Variants in PPP1R12B observed in about 807,000 individuals in gnomAD.
The protein encoded by PPP1R12B is myosin phosphatase target subunit 2.
In PPP1R12B, 76 loss-of-function variants were observed where a neutral mutation model predicts 126.1. That is an observed-to-expected ratio of 0.60 (90% CI 0.50 to 0.73). The LOEUF is 0.73. Ranked by LOEUF, PPP1R12B falls within the 30% of genes least tolerant of loss-of-function variation. PPP1R12B has a pLI of 0.00. For missense variants in PPP1R12B, 1,052 were observed against 1,205.1 expected (o/e 0.87, Z 1.88); for synonymous variants, 356 against 434.7 (o/e 0.82, Z 2.25).
intron 13 of PPP1R12B, among the ~76,000 whole-genome samples, chr1:202,470,647 A>G (rs1386026063): frequency 1.3e-5 from 2 of 152,132 alleles, no homozygotes. Flanking sequence ...TAATACTAGC[A>G]CTTTGGGAGG....
intron 23 of PPP1R12B, among the ~76,000 whole-genome samples, chr1:202,578,673 G>A (rs1377659044): frequency 6.6e-6 from 1 of 152,188 alleles, no homozygotes; most frequent in Non-Finnish European, 1.5e-5. Context: ...GTGATTGTAG[G>A]AACACTCAGT....
chr1:202,451,868 A>T (rs1301690882), intron 13 of PPP1R12B, among the ~76,000 whole-genome samples: 9 of 149,698 alleles, frequency 6.0e-5, no homozygotes, highest in Non-Finnish European at 1.0e-4. Flanking sequence ...TCCCTTCCGG[A>T]CGGGGTGGCT....
rs947004064 is a variant in PPP1R12B, at chr1:202,591,066, AG to A, written c.*10509del. The A allele has an allele frequency of 6.6e-6, 1 of 152,150 alleles. No individual in the cohort carries two copies. The highest frequency in any genetic ancestry group is 6.5e-5 in the Admixed American group (1 of 15,278). 9.4% of individuals were successfully genotyped at this position (152,150 alleles called of 1,614,324 possible). ...CTCTGCTGTGGGTGTGGAGAGTGGG[AG>A]GGCCCCAGAGAGAGCTGGAGGAAGC... On this transcript the variant is annotated 3_prime_UTR_variant, in exon 24 of 24. Transcript: ENST00000608999.
intron 18 of PPP1R12B, among the ~76,000 whole-genome samples, chr1:202,513,549 C>A (rs1019116776): frequency 2.6e-5 from 4 of 152,094 alleles, no homozygotes; most frequent in African/African-American, 9.7e-5. Context: ...TAGGGAAGTT[C>A]CAGGGCTAGA....
In PPP1R12B at chr1:202,591,918, C is replaced by A. The variant is rs1690131845; in HGVS notation, c.*11358C>A. The stretch of plus-strand genomic sequence containing the variant: ...GATGGAGCTGAACTGTGAACCCAGG[C>A]CGAGAAAGCCAGCTCGGGCAGGGCC... On this transcript the variant is annotated 3_prime_UTR_variant, in exon 24 of 24. Coordinates refer to ENST00000608999, the MANE Select transcript of PPP1R12B (RefSeq NM_002481.4). 1 of 152,858 alleles carries A rather than the reference C, an allele frequency of 6.5e-6. No homozygotes were observed. Among genetic ancestry groups the A allele is most frequent in the African/African-American group, 2.4e-5 (1 of 41,466 alleles). The allele number at this position is 152,858 out of a possible 1,614,324, so 9.5% of individuals were successfully genotyped here.
intron 13 of PPP1R12B, among the ~76,000 whole-genome samples, chr1:202,467,271 C>T (rs564158119): frequency 5.1e-4 from 76 of 150,412 alleles, no homozygotes; most frequent in Non-Finnish European, 8.8e-4. Flanking sequence ...ATGTGCAGAA[C>T]GTACAGGTTA....
intron 18 of PPP1R12B, among the ~76,000 whole-genome samples, chr1:202,535,573 T>C (rs564906758): frequency 1.9e-4 from 29 of 152,328 alleles, no homozygotes; most frequent in Non-Finnish European, 2.9e-4. Flanking sequence ...GGAAACTCTG[T>C]TGAGCCGACT....
At chr1:202,499,099 C>G (rs940146309) in intron 18 of PPP1R12B, among the ~76,000 whole-genome samples, 1 of 151,974 alleles carries the variant, frequency 6.6e-6, no homozygotes, top group African/African-American at 2.4e-5. Flanking sequence ...ATAACCACTA[C>G]CCAAATCAAG....
intron 1 of PPP1R12B, among the ~76,000 whole-genome samples, chr1:202,377,555 C>G (rs1465331022): frequency 1.3e-4 from 19 of 151,914 alleles, no homozygotes; most frequent in Non-Finnish European, 2.8e-4. Context: ...CCGCCCGCCT[C>G]GGCCTCCCAA....
At chr1:202,555,997 T>A (rs1686890006) in intron 18 of PPP1R12B, among the ~76,000 whole-genome samples, 1 of 152,038 alleles carries the variant, frequency 6.6e-6, no homozygotes, top group African/African-American at 2.4e-5. Flanking sequence ...TGCCTAAGCT[T>A]CCCAAGTAGC....
intron 1 of PPP1R12B, among the ~76,000 whole-genome samples, chr1:202,416,211 C>T (rs1305306494): frequency 6.6e-6 from 1 of 152,024 alleles, no homozygotes; most frequent in Non-Finnish European, 1.5e-5. Context: ...ACAATTAATC[C>T]TAATAATACT....
intron 1 of PPP1R12B, among the ~76,000 whole-genome samples, chr1:202,387,482 CTG>C (rs1663342879): frequency 6.6e-6 from 1 of 152,170 alleles, no homozygotes; most frequent in Admixed American, 6.5e-5. Flanking sequence ...GAATTAATCT[CTG>C]AGGTTGTTAA....
intron 11 of PPP1R12B, among the ~76,000 whole-genome samples, chr1:202,441,788 C>T (rs1671649793): frequency 6.6e-6 from 1 of 152,050 alleles, no homozygotes; most frequent in African/African-American, 2.4e-5. Context: ...TCTTCATCTT[C>T]CCCCATCATT....
At position 202,590,603 on chromosome 1, in the gene PPP1R12B, C is replaced by T. The variant is rs1376307820; in HGVS notation, c.*10043C>T. On this transcript the variant is annotated 3_prime_UTR_variant, in exon 24 of 24. Transcript: ENST00000608999. ...ACACCCCCCACCCCCAGGTTTCTTT[C>T]AGCTCATTTCTTTAATAAGGAGACG... 1 of 151,144 alleles carries T rather than the reference C, an allele frequency of 6.6e-6. No individual in the cohort carries two copies. Among genetic ancestry groups the T allele is most frequent in the African/African-American group, 2.4e-5 (1 of 41,088 alleles). The allele number at this position is 151,144 out of a possible 1,614,324, so 9.4% of individuals were successfully genotyped here.
chr1:202,483,925 G>A (rs1186557043), intron 13 of PPP1R12B, among the ~76,000 whole-genome samples: 1 of 152,072 alleles, frequency 6.6e-6, no homozygotes, highest in Non-Finnish European at 1.5e-5. Flanking sequence ...ATCTGACATG[G>A]TTACTCCTGC....
At chr1:202,364,150 G>A (rs1279170399) in intron 1 of PPP1R12B, among the ~76,000 whole-genome samples, 1 of 152,044 alleles carries the variant, frequency 6.6e-6, no homozygotes, top group Non-Finnish European at 1.5e-5. Flanking sequence ...ATAATGAAAT[G>A]TTCTATTTAT....
chr1:202,455,423 A>G (rs189526568), intron 13 of PPP1R12B, among the ~76,000 whole-genome samples: 164 of 152,298 alleles, frequency 1.1e-3, no homozygotes, highest in African/African-American at 3.3e-3. Context: ...CTTTTTGTCT[A>G]TAGATTTGCT....
rs143200051 is a variant in PPP1R12B at position 202,452,926 on chromosome 1, C to T, written c.1850+3755C>T. On this transcript the variant is annotated intron_variant, in intron 13 of 23. Coordinates refer to ENST00000608999, the MANE Select transcript of PPP1R12B (RefSeq NM_002481.4). ...AAGCCATTTTCCCACCTCTGCCTTC[C>T]GAAATGCTAAGATTACAGGCGTGAG... Among the ~76,000 whole-genome samples the T allele has an allele frequency of 6.3e-4, 96 of 151,920 alleles. No individual in the cohort carries two copies. The South Asian group carries it at 0.012, about 18-fold the overall frequency.
chr1:202,421,322 A>G (rs1354057204), intron 2 of PPP1R12B, among the ~76,000 whole-genome samples: 1 of 147,188 alleles, frequency 6.8e-6, no homozygotes, highest in Non-Finnish European at 1.5e-5. Flanking sequence ...TTTTTTTTTA[A>G]ATCTCCTACA....
Sources: gnomAD v4.1 joint callset for allele counts (sites outside exome capture counted in the v4.1 genomes callset) on GRCh38, gnomAD v4.1.1 for gene constraint, MANE v1.5 for transcripts, NCBI Gene and HGNC (gene_info 2026-07-23, HGNC 2026-07-21) for gene names.